Variants in AHI1 observed in about 807,000 individuals in gnomAD.
AHI1 encodes jouberin.
A neutral mutation model predicts 149.3 loss-of-function variants in AHI1; 123 were observed. The observed-to-expected ratio is 0.82, with a 90% confidence interval of 0.71 to 0.96. The LOEUF is 0.96. Ranked by LOEUF, AHI1 falls within the 40% of genes least tolerant of loss-of-function variation. AHI1 has a pLI of 0.00. For missense variants in AHI1, 1,439 were observed against 1,422.7 expected (o/e 1.01, Z -0.18); for synonymous variants, 475 against 459.8 (o/e 1.03, Z -0.42).
chr6:135,335,974 G>A (rs996695282), intron 24 of AHI1, among the ~76,000 whole-genome samples: 6 of 151,786 alleles, frequency 4.0e-5, no homozygotes, highest in African/African-American at 9.7e-5. Context: ...TTAGCTGGGC[G>A]TGGTGGAGCA....
rs1389750653 is a variant in AHI1 at position 135,448,309 on chromosome 6, C to T, written c.1607G>A (p.Gly536Glu). ...YPSTLYVTVR[G>E]LKVPDCIKPS... ...ACTTACACAGTCTGGAACTTTCAGT[C>T]CTCTTACAGTTACGTACAGTGTTGA... The change falls in exon 12 of 29, where the codon GGA becomes GAA. Residue 536 changes from glycine to glutamate, a missense_variant. Gly to Glu is a moderately conservative substitution (Grantham distance 98, BLOSUM62 -2). Transcript: ENST00000265602. 1.9e-6 allele frequency: 3 copies of T among 1,593,182 alleles called. No individual in the cohort carries two copies. Among genetic ancestry groups the T allele is most frequent in the Admixed American group, 1.7e-5 (1 of 59,842 alleles).
chr6:135,351,048 G>T (rs1031414244), intron 24 of AHI1, among the ~76,000 whole-genome samples: 1 of 151,358 alleles, frequency 6.6e-6, no homozygotes, highest in Admixed American at 6.6e-5. Context: ...CATGCCTATT[G>T]TCCTGGCATA....
At chr6:135,477,511 T>A (rs1188450594) in intron 5 of AHI1, among the ~76,000 whole-genome samples, 1 of 152,220 alleles carries the variant, frequency 6.6e-6, no homozygotes, top group Non-Finnish European at 1.5e-5. Flanking sequence ...TCCACCCAAA[T>A]CTCATGTTGA....
intron 27 of AHI1, among the ~76,000 whole-genome samples, chr6:135,293,414 A>G (rs867704779): frequency 1.4e-5 from 2 of 146,150 alleles, no homozygotes; most frequent in Admixed American, 6.8e-5. Context: ...AAGAAAAAAA[A>G]AAAAAAAAAA....
intron 5 of AHI1, among the ~76,000 whole-genome samples, chr6:135,485,827 T>G (rs1406817022): frequency 6.6e-6 from 1 of 152,310 alleles, no homozygotes; most frequent in East Asian, 1.9e-4. Flanking sequence ...TTGTCCACAC[T>G]GTACACTACA....
At chr6:135,418,122 A>G (rs887053169) in intron 20 of AHI1, among the ~76,000 whole-genome samples, 2 of 152,116 alleles carry the variant, frequency 1.3e-5, no homozygotes, top group African/African-American at 2.4e-5. Flanking sequence ...TAAAACTCAT[A>G]ATTTTAACAG....
In AHI1 at chr6:135,358,150, C is replaced by G; in HGVS notation, c.3147G>C (p.Gln1049His). 6.2e-7 allele frequency: 1 copy of G among 1,613,170 alleles called. No homozygotes were observed. The highest frequency in any genetic ancestry group is 8.5e-7 in the Non-Finnish European group (1 of 1,179,522). ...ISIERKPCNHQVDTAPTVVAL... is the reference protein window; with the variant it reads ...ISIERKPCNHHVDTAPTVVAL... ...GTCTTACCGTTGGTGCTGTATCTAC[C>G]TGATGGTTACAAGGCTTTCTTTCTA... The change falls in exon 24 of 29, where the codon CAG (glutamine) becomes CAC (histidine). Residue 1049 changes from glutamine to histidine, a missense_variant. Physicochemically the swap from Gln to His is conservative, Grantham distance 24. Transcript: ENST00000265602.
chr6:135,356,417 G>A (rs1792972684), intron 24 of AHI1, among the ~76,000 whole-genome samples: 2 of 152,104 alleles, frequency 1.3e-5, no homozygotes, highest in Non-Finnish European at 2.9e-5. Context: ...CCTGGTCTGG[G>A]ACCAGAGGGC....
chr6:135,392,469 C>G (rs1011556844), intron 23 of AHI1, among the ~76,000 whole-genome samples: 14 of 152,184 alleles, frequency 9.2e-5, no homozygotes, highest in Non-Finnish European at 2.1e-4. Context: ...TCTTAAGTCT[C>G]CTAGCATGAG....
chr6:135,447,033 A>G lies in AHI1; in HGVS notation c.1754T>C (p.Ile585Thr). 2 of 1,606,162 alleles carry G rather than the reference A, an allele frequency of 1.2e-6. No homozygotes were observed. The highest frequency in any genetic ancestry group is 1.7e-6 in the Non-Finnish European group (2 of 1,175,314). Residue 585 changes from isoleucine to threonine, a missense_variant, in exon 13 of 29, where the codon ATA (isoleucine) becomes ACA (threonine). Coordinates refer to ENST00000265602, the MANE Select transcript of AHI1 (RefSeq NM_001134831.2). ...EPGLEESKEV[I>T]KWKRLPGQAC... ...CTGCCCAGGGAGTCGTTTCCACTTT[A>G]TTACTTCCTTTGACTCTTCTAATCC...
At chr6:135,474,077 A>C (rs1792191202) in intron 5 of AHI1, among the ~76,000 whole-genome samples, 1 of 152,206 alleles carries the variant, frequency 6.6e-6, no homozygotes, top group Non-Finnish European at 1.5e-5. Context: ...CTGTAGGCTA[A>C]TGTAAATGTT....
At chr6:135,419,968 T>G (rs1782919025) in intron 20 of AHI1, among the ~76,000 whole-genome samples, 1 of 152,162 alleles carries the variant, frequency 6.6e-6, no homozygotes, top group African/African-American at 2.4e-5. Flanking sequence ...CAGGAGTAGA[T>G]TCTCTCAAGA....
At chr6:135,374,108 ATTTTTTT>A (rs869245989) in intron 23 of AHI1, among the ~76,000 whole-genome samples, 151 of 49,756 alleles carry the variant, frequency 3.0e-3, no homozygotes, top group African/African-American at 9.9e-3. Context: ...ATATATATAT[ATTTTTTT>A]TTTTTTTTTT....
intron 24 of AHI1, among the ~76,000 whole-genome samples, chr6:135,341,547 C>T (rs1230686915): frequency 1.3e-5 from 2 of 151,976 alleles, no homozygotes; most frequent in Non-Finnish European, 2.9e-5. Flanking sequence ...GTCCACAGAA[C>T]ATTCTCTAGG....
intron 21 of AHI1, among the ~76,000 whole-genome samples, chr6:135,405,943 C>T (rs1583066069): frequency 6.6e-6 from 1 of 150,436 alleles, no homozygotes; most frequent in East Asian, 1.9e-4. Flanking sequence ...TAGGAGTTAG[C>T]CAGCATATAG....
chr6:135,464,438 T>C (rs564729356), intron 7 of AHI1, among the ~76,000 whole-genome samples: 1 of 152,348 alleles, frequency 6.6e-6, no homozygotes, highest in South Asian at 2.1e-4. Context: ...AGGAAGCCTC[T>C]AAGATGGACC....
chr6:135,436,497 G>C (rs1785419648), intron 15 of AHI1, among the ~76,000 whole-genome samples: 1 of 152,222 alleles, frequency 6.6e-6, no homozygotes, highest in Admixed American at 6.5e-5. Flanking sequence ...AGTAAAGACA[G>C]TATGTGTAGA....
At chr6:135,463,433 A>G in intron 7 of AHI1, 127 bp from the exon 8 acceptor site, 1 of 743,898 alleles carries the variant, frequency 1.3e-6, no homozygotes, top group Non-Finnish European at 2.0e-6. Flanking sequence ...TTGTCTCTTG[A>G]GAGATGCATG....
At chr6:135,428,790 C>G in intron 18 of AHI1, 31 bp from the exon 19 acceptor site, 1 of 1,560,304 alleles carries the variant, frequency 6.4e-7, no homozygotes, top group African/African-American at 1.4e-5. Flanking sequence ...ACAAATGTAA[C>G]TGTCTTAATC....
Sources: gnomAD v4.1 joint callset for allele counts (sites outside exome capture counted in the v4.1 genomes callset) on GRCh38, gnomAD v4.1.1 for gene constraint, MANE v1.5 for transcripts, NCBI Gene and HGNC (gene_info 2026-07-23, HGNC 2026-07-21) for gene names.